Variants in GPC3 observed in about 807,000 individuals in gnomAD.
The protein encoded by GPC3 is glypican-3.
GPC3 carries 3 observed loss-of-function variants against 34.4 expected under a neutral mutation model. The ratio of observed to expected loss-of-function variants is 0.09; its 90% CI spans 0.04 to 0.23. The LOEUF (loss-of-function observed/expected upper bound fraction) is 0.23. Ranked by LOEUF, GPC3 falls within the 10% of genes least tolerant of loss-of-function variation. The pLI is 1.00. For synonymous variants in GPC3, 177 were observed against 174.0 expected (o/e 1.02, Z -0.13); for missense variants, 351 against 445.6 (o/e 0.79, Z 1.91).
intron 2 of GPC3, among the ~76,000 whole-genome samples, chrX:133,930,071 T>C (rs1397849685): frequency 1.8e-5 from 2 of 111,808 alleles, no homozygotes; most frequent in African/African-American, 3.3e-5. Context: ...ATGGACCAGT[T>C]TTCCCCATCA....
chrX:133,956,525 C>A (rs900518309), intron 1 of GPC3, among the ~76,000 whole-genome samples: 1 of 112,226 alleles, frequency 8.9e-6, no homozygotes, highest in African/African-American at 3.2e-5. Context: ...CAGGTACTTT[C>A]ACATACAAAG....
intron 2 of GPC3, among the ~76,000 whole-genome samples, chrX:133,775,564 C>A (rs1179840709): frequency 2.7e-5 from 3 of 111,690 alleles, no homozygotes; most frequent in Non-Finnish European, 5.6e-5. Flanking sequence ...CTCTAATTGT[C>A]ACAAAAATCT....
chrX:133,830,989 G>GA (rs199805735), intron 2 of GPC3, among the ~76,000 whole-genome samples: 8,741 of 107,220 alleles, frequency 0.082, 602 homozygotes, highest in African/African-American at 0.21. Flanking sequence ...CATACTGAGT[G>GA]AAAAAAAAAG....
chrX:133,827,701 T>C (rs915453318), intron 2 of GPC3, among the ~76,000 whole-genome samples: 2 of 110,423 alleles, frequency 1.8e-5, no homozygotes, highest in African/African-American at 6.6e-5. Context: ...GAGAATTGCT[T>C]GAACCTGGGA....
At chrX:133,979,357 G>A (rs2124651663) in intron 1 of GPC3, among the ~76,000 whole-genome samples, 1 of 111,976 alleles carries the variant, frequency 8.9e-6, no homozygotes, top group East Asian at 2.8e-4. Context: ...ATTAGGCTTT[G>A]TCCAGCTACA....
intron 7 of GPC3, among the ~76,000 whole-genome samples, chrX:133,579,553 T>G (rs777164072): frequency 1.1e-4 from 12 of 112,448 alleles, no homozygotes; most frequent in African/African-American, 2.9e-4. Context: ...TTTATTTTTA[T>G]TTTTTTGAGA....
At chrX:133,830,334 C>G (rs1264945461) in intron 2 of GPC3, among the ~76,000 whole-genome samples, 1 of 112,058 alleles carries the variant, frequency 8.9e-6, no homozygotes, top group Non-Finnish European at 1.9e-5. Flanking sequence ...ATAAATCTCT[C>G]CCTAAAATCA....
chrX:133,686,774 C>T (rs1234477943), intron 5 of GPC3, among the ~76,000 whole-genome samples: 2 of 104,450 alleles, frequency 1.9e-5, no homozygotes, highest in African/African-American at 7.8e-5. Context: ...CCTCAACACA[C>T]ACACACACAC....
At chrX:133,796,163 T>C (rs1283854055) in intron 2 of GPC3, among the ~76,000 whole-genome samples, 1 of 109,931 alleles carries the variant, frequency 9.1e-6, no homozygotes, top group Non-Finnish European at 1.9e-5. Context: ...GCCAGGATGG[T>C]CTCAATCTCC....
chrX:133,976,641 G>A (rs2076516714), intron 1 of GPC3, among the ~76,000 whole-genome samples: 1 of 109,679 alleles, frequency 9.1e-6, no homozygotes, highest in Non-Finnish European at 1.9e-5. Context: ...TCGCCAGGGA[G>A]CAAAATTGAC....
chrX:133,574,890 C>T (rs959134902), intron 7 of GPC3, among the ~76,000 whole-genome samples: 1 of 112,048 alleles, frequency 8.9e-6, no homozygotes, highest in Non-Finnish European at 1.9e-5. Context: ...TCCCTTTCTG[C>T]TGCATGCTGG....
At chrX:133,591,533 G>A (rs1042675065) in intron 7 of GPC3, among the ~76,000 whole-genome samples, 1 of 111,222 alleles carries the variant, frequency 9.0e-6, no homozygotes. Flanking sequence ...ATGTATTGGG[G>A]GCTAGGCATC....
At chrX:133,893,957 T>C (rs770025120) in intron 2 of GPC3, among the ~76,000 whole-genome samples, 1 of 111,130 alleles carries the variant, frequency 9.0e-6, no homozygotes, top group South Asian at 3.9e-4. Flanking sequence ...GTTCAAGTGC[T>C]TCAGCCTCCC....
intron 1 of GPC3, among the ~76,000 whole-genome samples, chrX:133,965,589 C>A (rs1347977327): frequency 9.0e-6 from 1 of 111,466 alleles, no homozygotes; most frequent in Admixed American, 9.5e-5. Flanking sequence ...CCTGCTGACC[C>A]ATTGATTTTG....
intron 7 of GPC3, among the ~76,000 whole-genome samples, chrX:133,590,692 C>T (rs935109370): frequency 9.0e-6 from 1 of 111,360 alleles, no homozygotes; most frequent in Non-Finnish European, 1.9e-5. Flanking sequence ...GTGGGGAGCC[C>T]TTGGTAAGAA....
chrX:133,812,434 A>T (rs2075670331), intron 2 of GPC3, among the ~76,000 whole-genome samples: 1 of 112,333 alleles, frequency 8.9e-6, no homozygotes, highest in Admixed American at 9.4e-5. Context: ...AGCAGTAGCC[A>T]TGATTTCCAT....
intron 7 of GPC3, among the ~76,000 whole-genome samples, chrX:133,538,984 A>C (rs1214365693): frequency 9.6e-6 from 1 of 104,569 alleles, no homozygotes; most frequent in African/African-American, 3.5e-5. Context: ...GCCTCCCAAA[A>C]TTCTGGAATT....
chrX:133,565,029 A>G (rs5975414), intron 7 of GPC3, among the ~76,000 whole-genome samples: 4,403 of 112,436 alleles, frequency 0.039, 215 homozygotes, highest in African/African-American at 0.13. Context: ...CTATGAAAAT[A>G]TCAGGCAGCT....
At chrX:133,859,696 G>C (rs1446373578) in intron 2 of GPC3, among the ~76,000 whole-genome samples, 1 of 112,601 alleles carries the variant, frequency 8.9e-6, no homozygotes, top group African/African-American at 3.2e-5. Flanking sequence ...TTTTGAGTTT[G>C]CAAAGCATCA....
Sources: gnomAD v4.1 joint callset for allele counts (sites outside exome capture counted in the v4.1 genomes callset) on GRCh38, gnomAD v4.1.1 for gene constraint, MANE v1.5 for transcripts, NCBI Gene and HGNC (gene_info 2026-07-23, HGNC 2026-07-21) for gene names.